The following TMEM132C variants were observed in gnomAD, a reference collection of about 807,000 sequenced individuals.
The protein encoded by TMEM132C is protein phosphatase 1, regulatory subunit 152.
Under a neutral mutation model 61.4 loss-of-function variants are expected in TMEM132C, and 29 were observed. The ratio of observed to expected loss-of-function variants is 0.47; its 90% confidence interval spans 0.35 to 0.64. The LOEUF is 0.64. TMEM132C is among the 30% of genes least tolerant of loss of function. The pLI, the probability that TMEM132C is intolerant of heterozygous loss-of-function variation, is 0.00. For synonymous variants in TMEM132C, 656 were observed against 633.1 expected, an observed-to-expected ratio of 1.04 and a Z score of -0.54; for missense variants, 1,408 against 1,476.9, an observed-to-expected ratio of 0.95 and a Z score of 0.76.
chr12:128,563,811 A>G (rs1271514337), intron 3 of TMEM132C, among the ~76,000 whole-genome samples: 2 of 152,182 alleles, frequency 1.3e-5, no homozygotes, highest in Admixed American at 6.5e-5. Flanking sequence ...CTCTTGTCTT[A>G]GTTCATTTGG....
intron 2 of TMEM132C, among the ~76,000 whole-genome samples, chr12:128,487,471 TGC>T (rs558545592): frequency 5.7e-3 from 55 of 9,660 alleles, no homozygotes; most frequent in East Asian, 0.048. Flanking sequence ...ATAAATTGTG[TGC>T]GTGTGTGTGT....
At chr12:128,590,332 C>T (rs1312849470) in intron 3 of TMEM132C, among the ~76,000 whole-genome samples, 8 of 152,084 alleles carry the variant, frequency 5.3e-5, no homozygotes, top group African/African-American at 4.8e-5. Context: ...GATGTATACT[C>T]GAAAGTTAGC....
At chr12:128,502,104 G>A (rs116964828) in intron 2 of TMEM132C, among the ~76,000 whole-genome samples, 3,890 of 152,350 alleles carry the variant, frequency 0.026, 64 homozygotes, top group Non-Finnish European at 0.034. Flanking sequence ...ATCTCCCTGA[G>A]TGGTTGCAAT....
intron 6 of TMEM132C, among the ~76,000 whole-genome samples, chr12:128,694,545 T>C (rs1449969782): frequency 2.6e-5 from 4 of 152,210 alleles, no homozygotes; most frequent in African/African-American, 9.7e-5. Context: ...GGTCTTGTTT[T>C]CTCAGCCCTG....
intron 4 of TMEM132C, among the ~76,000 whole-genome samples, chr12:128,629,189 C>A (rs1265089428): frequency 1.3e-5 from 2 of 152,044 alleles, no homozygotes; most frequent in Admixed American, 6.6e-5. Context: ...TATACGTGGC[C>A]CTTTGTTCAG....
chr12:128,701,244 G>GT (rs1954801440), intron 8 of TMEM132C, among the ~76,000 whole-genome samples: 1 of 107,284 alleles, frequency 9.3e-6, no homozygotes, highest in Non-Finnish European at 1.9e-5. Flanking sequence ...CAAAAAATAA[G>GT]TTAAAAAAAA....
chr12:128,681,685 A>T (rs1954636190), intron 5 of TMEM132C, among the ~76,000 whole-genome samples: 1 of 109,854 alleles, frequency 9.1e-6, no homozygotes. Flanking sequence ...ACAGAGTCTC[A>T]CCCTATCTCC....
chr12:128,459,955 G>A (rs569071414), intron 2 of TMEM132C, among the ~76,000 whole-genome samples: 16 of 150,518 alleles, frequency 1.1e-4, no homozygotes, highest in Non-Finnish European at 2.1e-4. Flanking sequence ...TGGCACCTCC[G>A]AGTGGTATCC....
At chr12:128,529,777 C>T (rs1352822004) in intron 2 of TMEM132C, among the ~76,000 whole-genome samples, 2 of 152,050 alleles carry the variant, frequency 1.3e-5, no homozygotes, top group East Asian at 3.9e-4. Flanking sequence ...CAGAGCAAGA[C>T]AAACAACAAC....
intron 3 of TMEM132C, among the ~76,000 whole-genome samples, chr12:128,553,627 A>G (rs1159316195): frequency 6.6e-6 from 1 of 152,210 alleles, no homozygotes; most frequent in East Asian, 1.9e-4. Flanking sequence ...GTTTGTTCTC[A>G]GCGTTTTAGT....
At chr12:128,407,275 TCTCCTTTACCTTCCACC>T (rs1414086868) in intron 1 of TMEM132C, among the ~76,000 whole-genome samples, 1 of 152,222 alleles carries the variant, frequency 6.6e-6, no homozygotes, top group Non-Finnish European at 1.5e-5. Flanking sequence ...TGCCTTTGCT[TCTCCTTTACCTTCCACC>T]ATGATTGTGA....
intron 3 of TMEM132C, among the ~76,000 whole-genome samples, chr12:128,599,853 A>G (rs2135572808): frequency 6.6e-6 from 1 of 152,292 alleles, no homozygotes; most frequent in East Asian, 1.9e-4. Context: ...TCTAGTTCCC[A>G]TAATACCCAC....
Position 128,665,733 on chromosome 12 carries a change from G to GCACA in TMEM132C, c.1306-3679_1306-3676dup, listed in dbSNP as rs545639572. On this transcript the variant is annotated intron_variant, in intron 4 of 8. Coordinates refer to ENST00000435159, the MANE Select transcript of TMEM132C (RefSeq NM_001136103.3). ...CACAGGCACTCATACACAAACACAG[G>GCACA]CACACACATACACCCAGGCACATGT... Among the ~76,000 whole-genome samples the GCACA allele has an allele frequency of 3.4e-4, 39 of 113,650 alleles. 1 individual carries two copies. The highest frequency in any genetic ancestry group is 1.2e-3 in the African/African-American group (34 of 29,092). 74.6% of individuals were successfully genotyped at this position (113,650 alleles called of 152,430 possible). A position where few individuals can be genotyped will look rare whatever the true frequency, so the allele number is the denominator to read the frequency against.
chr12:128,350,293 C>G (rs1713632), intron 1 of TMEM132C, among the ~76,000 whole-genome samples: 130,581 of 152,020 alleles, frequency 0.86, 57,568 homozygotes, highest in East Asian at 1. Context: ...AGTTTGGGTG[C>G]GGGACTAGAT....
intron 1 of TMEM132C, among the ~76,000 whole-genome samples, chr12:128,284,251 C>G (rs1314993453): frequency 6.6e-6 from 1 of 152,220 alleles, no homozygotes; most frequent in South Asian, 2.1e-4. Context: ...CTGACTGATA[C>G]AGCATCTAAA....
At position 128,651,715 on chromosome 12, in the gene TMEM132C, T is replaced by TG. The variant is rs774066030; in HGVS notation, c.1306-17696dup. On this transcript the variant is annotated intron_variant, in intron 4 of 8. Coordinates refer to ENST00000435159, the MANE Select transcript of TMEM132C (RefSeq NM_001136103.3). The stretch of plus-strand genomic sequence containing the variant: ...GGGAGACCATAGCAGGGAATGGGAA[T>TG]GGGGGGTGAAGGAAGGTGAGGGTGG... 1.8e-4 allele frequency among the ~76,000 whole-genome samples: 27 copies of TG among 152,014 alleles called. No homozygotes were observed. In the South Asian group the frequency reaches 5.4e-3, roughly 30 times the overall value.
Position 128,705,408 on chromosome 12 carries a change from G to A in TMEM132C, c.2440G>A (p.Glu814Lys). 3 of 1,551,082 alleles carry A rather than the reference G, an allele frequency of 1.9e-6. No individual in the cohort carries two copies. The highest frequency in any genetic ancestry group is 2.6e-6 in the Non-Finnish European group (3 of 1,146,994). ...CTCCAGCCCCGGCGGGGACTATGAG[G>A]AAGATGAGATCAAGAACCACGCCAG... is the stretch of plus-strand genomic sequence containing the variant. ...ADSSPGGDYE[E>K]DEIKNHASDR... Residue 814 changes from glutamate (E) to lysine (K), a missense_variant, in exon 9 of 9, where the codon GAA becomes AAA. Glu to Lys is a moderately conservative substitution (Grantham distance 56). Coordinates refer to ENST00000435159, the MANE Select transcript of TMEM132C (RefSeq NM_001136103.3).
At chr12:128,421,985 C>T (rs1869003062) in intron 2 of TMEM132C, among the ~76,000 whole-genome samples, 1 of 152,206 alleles carries the variant, frequency 6.6e-6, no homozygotes, top group Non-Finnish European at 1.5e-5. Context: ...TGCCTAATAT[C>T]AAACCTATTT....
At chr12:128,455,274 G>C (rs1870301984) in intron 2 of TMEM132C, among the ~76,000 whole-genome samples, 1 of 152,182 alleles carries the variant, frequency 6.6e-6, no homozygotes, top group South Asian at 2.1e-4. Flanking sequence ...GCAGTGACTG[G>C]GTCTGCCAAC....
Sources: allele counts gnomAD v4.1 joint callset (sites outside exome capture counted in the v4.1 genomes callset), GRCh38; gene constraint gnomAD v4.1.1; transcripts MANE v1.5; gene names NCBI Gene and HGNC (gene_info 2026-07-23, HGNC 2026-07-21).